SERPINE2: variants seen among roughly 807,000 people sequenced by gnomAD.
SERPINE2 encodes glia-derived nexin.
A neutral mutation model predicts 36.3 loss-of-function variants in SERPINE2; 14 were observed. That is an observed-to-expected ratio of 0.39 (90% CI 0.25 to 0.60). The LOEUF (loss-of-function observed/expected upper bound fraction) is 0.60. SERPINE2 is among the 20% of genes least tolerant of loss of function. The probability of loss-of-function intolerance (pLI) is 0.57; values close to 1 mark genes in which losing one functional copy is unlikely to be tolerated. For synonymous variants in SERPINE2, 192 were observed against 191.8 expected (o/e 1.00, Z -0.01); for missense variants, 418 against 499.6 (o/e 0.84, Z 1.56).
intron 4 of SERPINE2, among the ~76,000 whole-genome samples, chr2:223,991,159 A>T (rs112214620): frequency 0.018 from 2,686 of 152,280 alleles, 70 homozygotes; most frequent in African/African-American, 0.061. Flanking sequence ...TATATTGCAT[A>T]ATCTTTCCAT....
intron 1 of SERPINE2, among the ~76,000 whole-genome samples, chr2:224,003,546 A>T (rs531879619): frequency 3.9e-5 from 6 of 152,228 alleles, no homozygotes; most frequent in Non-Finnish European, 7.3e-5. Context: ...AATTTTGAGG[A>T]TGGTGTTGCT....
chr2:223,990,963 G>C, intron 4 of SERPINE2, among the ~76,000 whole-genome samples: 1 of 152,172 alleles, frequency 6.6e-6, no homozygotes, highest in East Asian at 1.9e-4. Flanking sequence ...GGGTAACACA[G>C]TGAGACTCTA....
intron 1 of SERPINE2, among the ~76,000 whole-genome samples, chr2:224,002,304 A>G (rs1234152883): frequency 6.8e-6 from 1 of 148,114 alleles, no homozygotes; most frequent in East Asian, 2.0e-4. Flanking sequence ...CTCACCTAGT[A>G]TGCTTGACTG....
At chr2:224,027,179 T>G (rs1337804456) in intron 1 of SERPINE2, among the ~76,000 whole-genome samples, 1 of 152,182 alleles carries the variant, frequency 6.6e-6, no homozygotes, top group African/African-American at 2.4e-5. Context: ...GCATTAGCAC[T>G]ACTGAGCCCC....
At chr2:224,013,209 G>A (rs4574110) in intron 1 of SERPINE2, among the ~76,000 whole-genome samples, 121,619 of 152,118 alleles carry the variant, frequency 0.8, 49,769 homozygotes, top group Non-Finnish European at 0.9. Context: ...AAATAGGAAC[G>A]TGGGAGCTGC....
At chr2:223,999,011 C>T (rs1162740784) in intron 2 of SERPINE2, among the ~76,000 whole-genome samples, 1 of 152,202 alleles carries the variant, frequency 6.6e-6, no homozygotes, top group Non-Finnish European at 1.5e-5. Flanking sequence ...TCAAAGGGAA[C>T]TTCCTAATGC....
chr2:223,984,482 A>G (rs767654673), intron 5 of SERPINE2, among the ~76,000 whole-genome samples: 1 of 152,238 alleles, frequency 6.6e-6, no homozygotes, highest in Non-Finnish European at 1.5e-5. Flanking sequence ...CCCCTGCAGT[A>G]CCATGAACTG....
intron 1 of SERPINE2, among the ~76,000 whole-genome samples, chr2:224,027,753 C>T (rs1175362435): frequency 6.6e-6 from 1 of 152,114 alleles, no homozygotes; most frequent in African/African-American, 2.4e-5. Context: ...ATGGATGTGC[C>T]CTTTCTACCT....
intron 1 of SERPINE2, among the ~76,000 whole-genome samples, chr2:224,026,739 G>A (rs944344970): frequency 2.0e-5 from 3 of 152,116 alleles, no homozygotes; most frequent in Non-Finnish European, 4.4e-5. Flanking sequence ...TTCAGCTTAT[G>A]TGCCTGGCCC....
At chr2:224,028,803 T>A (rs1370582686) in intron 1 of SERPINE2, among the ~76,000 whole-genome samples, 1 of 152,076 alleles carries the variant, frequency 6.6e-6, no homozygotes, top group African/African-American at 2.4e-5. Flanking sequence ...CCAGCTATGG[T>A]GGGAGGAGCC....
intron 3 of SERPINE2, among the ~76,000 whole-genome samples, chr2:223,994,418 A>C (rs1179916241): frequency 6.6e-6 from 1 of 152,200 alleles, no homozygotes; most frequent in African/African-American, 2.4e-5. Flanking sequence ...TTTAGAGGCA[A>C]AGAGGCACAT....
In SERPINE2 at chr2:224,001,669, C is replaced by T. The variant is rs769734047; in HGVS notation, c.232G>A (p.Ala78Thr). 1.7e-5 allele frequency: 28 copies of T among 1,613,922 alleles called. No homozygotes were observed. The highest frequency in any genetic ancestry group is 6.7e-5 in the African/African-American group (5 of 74,936). Residue 78 changes from alanine to threonine, a missense_variant, in exon 2 of 9, where the codon GCC becomes ACC. Physicochemically the swap from Ala to Thr is moderately conservative, Grantham distance 58. Coordinates refer to ENST00000409304, the MANE Select transcript of SERPINE2 (RefSeq NM_001136528.2). ...TTTACGCCGTATCTCATCACCATGG[C>T]GAGCTGCTTCTTGGTCCTGCCGTCC... ...GADGRTKKQL[A>T]MVMRYGVNGV...
intron 3 of SERPINE2, among the ~76,000 whole-genome samples, chr2:223,993,860 A>G (rs984890677): frequency 6.6e-6 from 1 of 152,192 alleles, no homozygotes; most frequent in Non-Finnish European, 1.5e-5. Context: ...GAAAATATCT[A>G]AGCCATAAAC....
intron 4 of SERPINE2, among the ~76,000 whole-genome samples, chr2:223,988,911 C>T (rs748158078): frequency 3.9e-5 from 6 of 152,178 alleles, no homozygotes; most frequent in Non-Finnish European, 8.8e-5. Context: ...CTAATGAAAG[C>T]AGATTATAGA....
intron 2 of SERPINE2, among the ~76,000 whole-genome samples, chr2:223,999,103 T>C (rs1334611314): frequency 6.6e-6 from 1 of 152,162 alleles, no homozygotes; most frequent in East Asian, 1.9e-4. Context: ...TTTTTTTCTA[T>C]TTTGGAAAAA....
intron 3 of SERPINE2, among the ~76,000 whole-genome samples, chr2:223,992,752 T>C (rs1690725689): frequency 6.6e-6 from 1 of 152,200 alleles, no homozygotes; most frequent in African/African-American, 2.4e-5. Flanking sequence ...TCATTACACA[T>C]TGTATACATG....
At chr2:223,999,383 G>T (rs1045412055) in intron 2 of SERPINE2, among the ~76,000 whole-genome samples, 13 of 152,208 alleles carry the variant, frequency 8.5e-5, no homozygotes, top group African/African-American at 3.1e-4. Flanking sequence ...CTTCAAAATG[G>T]CACTGTCCTA....
At chr2:224,001,489 A>T in intron 2 of SERPINE2, 153 bp downstream of exon 2, 1 of 760,340 alleles carries the variant, frequency 1.3e-6, no homozygotes, top group Non-Finnish European at 2.0e-6. Context: ...TTTGTTCTTT[A>T]GAAGAGACTG....
chr2:224,019,985 G>C (rs553214413), intron 1 of SERPINE2, among the ~76,000 whole-genome samples: 5 of 152,154 alleles, frequency 3.3e-5, no homozygotes, highest in Non-Finnish European at 5.9e-5. Flanking sequence ...CTGAAGGAGA[G>C]AGGAAGGATC....
Sources: gnomAD v4.1 joint callset for allele counts (sites outside exome capture counted in the v4.1 genomes callset) on GRCh38, gnomAD v4.1.1 for gene constraint, MANE v1.5 for transcripts, NCBI Gene and HGNC (gene_info 2026-07-23, HGNC 2026-07-21) for gene names.